SNRPB2: variants seen among roughly 807,000 people sequenced by gnomAD.
SNRPB2 encodes the protein small nuclear ribonucleoprotein polypeptide B2, also known as U2 small nuclear ribonucleoprotein B''.
Under a neutral mutation model 26.3 loss-of-function variants are expected in SNRPB2, and 16 were observed. The ratio of observed to expected loss-of-function variants is 0.61; its 90% CI spans 0.41 to 0.92. SNRPB2 has a LOEUF of 0.92. SNRPB2 is among the 40% of genes least tolerant of loss of function. SNRPB2 has a pLI of 0.00. For missense variants in SNRPB2, 179 were observed against 268.1 expected (o/e 0.67, Z 2.32); for synonymous variants, 75 against 89.0 (o/e 0.84, Z 0.88).
In SNRPB2 at chr20:16,731,760, A is replaced by G; in HGVS notation, c.58A>G (p.Lys20Glu). ...YINNMNDKIK[K>E]EELKRSLYAL... ...CAACAATATGAATGACAAAATTAAAAAGGAAGGTAAGTGCTTTTTAGAATA... is the reference window on the plus strand; with the variant it reads ...CAACAATATGAATGACAAAATTAAAGAGGAAGGTAAGTGCTTTTTAGAATA... Residue 20 changes from lysine to glutamate, a missense_variant, in exon 2 of 7, where the codon AAG becomes GAG. Physicochemically the swap from Lys to Glu is moderately conservative, Grantham distance 56. Coordinates refer to ENST00000246071, the MANE Select transcript of SNRPB2 (RefSeq NM_003092.5). 2 of 1,612,556 alleles carry G rather than the reference A, an allele frequency of 1.2e-6. No homozygotes were observed. Among genetic ancestry groups the G allele is most frequent in the Non-Finnish European group, 1.7e-6 (2 of 1,178,988 alleles).
chr20:16,740,700 A>T lies in SNRPB2; in HGVS notation c.519-146A>T, dbSNP rs1289753634. 5.8e-5 allele frequency: 40 copies of T among 687,458 alleles called. No homozygotes were observed. In the East Asian group the frequency reaches 1.1e-3, roughly 18 times the overall value. 42.6% of individuals were successfully genotyped at this position (687,458 alleles called of 1,614,324 possible). A position where few individuals can be genotyped will look rare whatever the true frequency, so the allele number is the denominator to read the frequency against. On this transcript the variant is annotated intron_variant, in intron 6 of 6. Coordinates refer to ENST00000246071, the MANE Select transcript of SNRPB2 (RefSeq NM_003092.5). ...AGTTCTTCCATGGTATTAATTACAC[A>T]TGAGGCTCTTCCGTCTACTCAGTAT... is the stretch of plus-strand genomic sequence containing the variant.
At chr20:16,733,389 G>T (rs1039651397) in intron 3 of SNRPB2, among the ~76,000 whole-genome samples, 1 of 152,324 alleles carries the variant, frequency 6.6e-6, no homozygotes, top group African/African-American at 2.4e-5. Flanking sequence ...CTGTGGGCAG[G>T]GTTTGGCTCA....
Position 16,742,054 on chromosome 20 carries a change from A to G in SNRPB2, c.*1049A>G, listed in dbSNP as rs1298718134. On this transcript the variant is annotated 3_prime_UTR_variant, in exon 7 of 7. Coordinates refer to ENST00000246071, the MANE Select transcript of SNRPB2 (RefSeq NM_003092.5). ...TGGAATTTTTATTGTCTACTTATGG[A>G]AAGACTTTTAGACTTACGTAGACAG... is the stretch of plus-strand genomic sequence containing the variant. 1 of 145,298 alleles carries G rather than the reference A, an allele frequency of 6.9e-6. No individual in the cohort carries two copies. The highest frequency in any genetic ancestry group is 2.7e-5 in the African/African-American group (1 of 37,156). 9.0% of individuals were successfully genotyped at this position (145,298 alleles called of 1,614,324 possible). A position where few individuals can be genotyped will look rare whatever the true frequency, so the allele number is the denominator to read the frequency against.
chr20:16,740,276 G>A (rs758388401), intron 5 of SNRPB2, 49 bp from the exon 6 acceptor site: 6 of 1,599,538 alleles, frequency 3.8e-6, no homozygotes, highest in Non-Finnish European at 4.3e-6. Context: ...CCTAGCTTAC[G>A]ATGCTGTTTA....
In SNRPB2 at chr20:16,730,356, C is replaced by T. The variant is rs1371551123; in HGVS notation, c.-36+192C>T. On this transcript the variant is annotated intron_variant, in intron 1 of 6. Coordinates refer to ENST00000246071, the MANE Select transcript of SNRPB2 (RefSeq NM_003092.5). ...AAAGGATAGTTAATGTCAGTCTGCTCGTGCGAGGCGTGGACAGTTCACTGC... is the reference window on the plus strand; with the variant it reads ...AAAGGATAGTTAATGTCAGTCTGCTTGTGCGAGGCGTGGACAGTTCACTGC... Among the ~76,000 whole-genome samples, 5 of 152,176 alleles carry T rather than the reference C, an allele frequency of 3.3e-5. No individual in the cohort carries two copies. In the East Asian group the frequency reaches 7.7e-4, roughly 23 times the overall value.
At chr20:16,732,003 C>T (rs1271452803) in intron 2 of SNRPB2, among the ~76,000 whole-genome samples, 161 bp from the exon 3 acceptor site, 2 of 151,972 alleles carry the variant, frequency 1.3e-5, no homozygotes, top group African/African-American at 2.4e-5. Context: ...TTTAAAATTA[C>T]ATATAGCCAA....
At chr20:16,740,234 CT>C in intron 5 of SNRPB2, 90 bp from the exon 6 acceptor site, 25 of 1,555,322 alleles carry the variant, frequency 1.6e-5, no homozygotes, top group Non-Finnish European at 2.2e-5. Flanking sequence ...TGTTTTTCAG[CT>C]TTATTGTTTG....
Position 16,741,482 on chromosome 20 carries a change from A to G in SNRPB2, c.*477A>G, listed in dbSNP as rs994959261. 2.0e-5 allele frequency: 3 copies of G among 152,222 alleles called. No homozygotes were observed. The highest frequency in any genetic ancestry group is 7.2e-5 in the African/African-American group (3 of 41,442). 9.4% of individuals were successfully genotyped at this position (152,222 alleles called of 1,614,324 possible). On this transcript the variant is annotated 3_prime_UTR_variant, in exon 7 of 7. Transcript: ENST00000246071. ...GAGACCCAGGCAGGATCTAAATTTG[A>G]TCTTTGTATCCTTTTAAGAAATGAA...
At chr20:16,731,636 C>T (rs915199301) in intron 1 of SNRPB2, 32 bp from the exon 2 acceptor site, 20 of 1,586,940 alleles carry the variant, frequency 1.3e-5, no homozygotes, top group East Asian at 9.0e-5. Flanking sequence ...TGCCACAGTC[C>T]AGTATAATTT....
intron 4 of SNRPB2, among the ~76,000 whole-genome samples, chr20:16,737,700 A>T (rs901445115): frequency 1.3e-5 from 2 of 152,178 alleles, no homozygotes; most frequent in African/African-American, 4.8e-5. Context: ...CTGCCTATAA[A>T]TAATACTGTA....
intron 3 of SNRPB2, among the ~76,000 whole-genome samples, chr20:16,733,013 A>G (rs11698402): frequency 0.23 from 34,678 of 152,090 alleles, 4,678 homozygotes; most frequent in South Asian, 0.37. Context: ...AGGGGTTTCT[A>G]TGTATGAGTG....
At chr20:16,740,154 T>C (rs961567937) in intron 5 of SNRPB2, among the ~76,000 whole-genome samples, 171 bp from the exon 6 acceptor site, 9 of 152,330 alleles carry the variant, frequency 5.9e-5, no homozygotes, top group African/African-American at 2.2e-4. Context: ...TTCCAGACTT[T>C]CAGTGTCTTT....
At position 16,741,266 on chromosome 20, in the gene SNRPB2, T is replaced by G. The variant is rs1271660057; in HGVS notation, c.*261T>G. ...CCCATCTCCCTATCATCAAATGACT[T>G]CTAGTCTAGAACACACTTAAGGTTT... On this transcript the variant is annotated 3_prime_UTR_variant, in exon 7 of 7. Coordinates refer to ENST00000246071, the MANE Select transcript of SNRPB2 (RefSeq NM_003092.5). The G allele has an allele frequency of 3.6e-6, 1 of 278,384 alleles. No homozygotes were observed. The highest frequency in any genetic ancestry group is 6.7e-6 in the Non-Finnish European group (1 of 148,862). 17.2% of individuals were successfully genotyped at this position (278,384 alleles called of 1,614,324 possible). A position where few individuals can be genotyped will look rare whatever the true frequency, so the allele number is the denominator to read the frequency against.
At chr20:16,732,590 A>G (rs1291827520) in intron 3 of SNRPB2, 3 of 274,470 alleles carry the variant, frequency 1.1e-5, no homozygotes, top group Admixed American at 5.3e-5. Flanking sequence ...TCTTATCTCA[A>G]AAAGTTAGAA....
At chr20:16,731,028 G>T (rs552615423) in intron 1 of SNRPB2, 1 of 152,478 alleles carries the variant, frequency 6.6e-6, no homozygotes, top group South Asian at 2.1e-4. Flanking sequence ...TACTGATGAG[G>T]ACCTGAGAGG....
Position 16,737,306 on chromosome 20 carries a change from C to A in SNRPB2, c.283C>A (p.Arg95Ser). ...AGATTCGGATATAATATCAAAAATG[C>A]GTGGAACTTTTGCTGACAAAGAAAA... ...KTDSDIISKMRGTFADKEKKK... is the reference protein window; with the variant it reads ...KTDSDIISKMSGTFADKEKKK... Residue 95 changes from arginine to serine, a missense_variant, in exon 4 of 7, where the codon CGT (arginine) becomes AGT (serine). Transcript: ENST00000246071. 1 of 1,602,212 alleles carries A rather than the reference C, an allele frequency of 6.2e-7. No individual in the cohort carries two copies. The highest frequency in any genetic ancestry group is 8.5e-7 in the Non-Finnish European group (1 of 1,175,658).
In SNRPB2 at chr20:16,731,816, T is replaced by A. The variant is rs535538498; in HGVS notation, c.64+50T>A. On this transcript the variant is annotated intron_variant, in intron 2 of 6. Coordinates refer to ENST00000246071, the MANE Select transcript of SNRPB2 (RefSeq NM_003092.5). ...TCACTACTAAAATGTGTTTATTTAC[T>A]ACTGTCTTAAAAATTGTACTGCCTC... is the stretch of plus-strand genomic sequence containing the variant. 37 of 1,606,086 alleles carry A rather than the reference T, an allele frequency of 2.3e-5. No homozygotes were observed. The South Asian group carries it at 4.0e-4, about 17-fold the overall frequency.
intron 3 of SNRPB2, 167 bp downstream of exon 3, chr20:16,732,503 T>C (rs2072399569): frequency 2.1e-6 from 1 of 473,016 alleles, no homozygotes; most frequent in Non-Finnish European, 3.7e-6. Flanking sequence ...GTTTAATTTA[T>C]GACAGTTCAG....
chr20:16,730,508 C>T (rs1444899801), intron 1 of SNRPB2: 2 of 152,274 alleles, frequency 1.3e-5, no homozygotes, highest in African/African-American at 4.8e-5. Context: ...TGTCCCCCTA[C>T]CTTCACTTTG....
Sources: gnomAD v4.1 joint callset for allele counts (sites outside exome capture counted in the v4.1 genomes callset) on GRCh38, gnomAD v4.1.1 for gene constraint, MANE v1.5 for transcripts, NCBI Gene and HGNC (gene_info 2026-07-23, HGNC 2026-07-21) for gene names.